Variants in SV2B observed in about 807,000 individuals in gnomAD.
SV2B encodes the protein synaptic vesicle glycoprotein 2B.
Under a neutral mutation model 73.9 loss-of-function variants are expected in SV2B, and 41 were observed. That is an observed-to-expected ratio of 0.56 (90% CI 0.43 to 0.72). The LOEUF is 0.72. Ranked by LOEUF, SV2B falls within the 30% of genes least tolerant of loss-of-function variation. The probability of loss-of-function intolerance (pLI) is 0.00; values close to 1 mark genes in which losing one functional copy is unlikely to be tolerated. For missense variants in SV2B, 764 were observed against 857.8 expected (o/e 0.89, Z 1.37); for synonymous variants, 314 against 314.2 (o/e 1.00, Z 0.01).
intron 1 of SV2B, among the ~76,000 whole-genome samples, chr15:91,134,261 G>T (rs938330312): frequency 6.6e-6 from 1 of 152,094 alleles, no homozygotes; most frequent in African/African-American, 2.4e-5. Flanking sequence ...GCCTCCCAAA[G>T]TGCTGGGATT....
At chr15:91,144,509 T>G (rs2141197394) in intron 1 of SV2B, among the ~76,000 whole-genome samples, 1 of 152,294 alleles carries the variant, frequency 6.6e-6, no homozygotes, top group South Asian at 2.1e-4. Context: ...GAAAATGACA[T>G]GCAATTTTTC....
At chr15:91,266,831 G>A (rs1870422049) in intron 7 of SV2B, 139 bp downstream of exon 7, 13 of 619,238 alleles carry the variant, frequency 2.1e-5, no homozygotes, top group Non-Finnish European at 2.7e-5. Flanking sequence ...GGAGGGGGGC[G>A]TTTGGGCTCC....
At chr15:91,101,744 A>C (rs1225240420) in intron 1 of SV2B, 1 of 152,062 alleles carries the variant, frequency 6.6e-6, no homozygotes, top group African/African-American at 2.4e-5. Flanking sequence ...CATTGCCATC[A>C]CTGCCACTGG....
rs1472124410 is a variant in SV2B, at chr15:91,267,083, C to T, written c.1119+391C>T. 1 of 186,202 alleles carries T rather than the reference C, an allele frequency of 5.4e-6. No individual in the cohort carries two copies. Among genetic ancestry groups the T allele is most frequent in the Non-Finnish European group, 1.1e-5 (1 of 90,086 alleles). 11.5% of individuals were successfully genotyped at this position (186,202 alleles called of 1,614,324 possible). A position where few individuals can be genotyped will look rare whatever the true frequency, so the allele number is the denominator to read the frequency against. On this transcript the variant is annotated intron_variant, in intron 7 of 12. Transcript: ENST00000394232. The surrounding 1 kb of genome is among the most constrained non-coding windows in gnomAD (Gnocchi z 4.3). ...TCCAAGAAACATTTTTCTAAAAGGG[C>T]AATGCCATTTCTCTGGAGCACTGGC...
At chr15:91,278,242 C>T (rs1388836776) in intron 9 of SV2B, among the ~76,000 whole-genome samples, 1 of 152,130 alleles carries the variant, frequency 6.6e-6, no homozygotes, top group East Asian at 1.9e-4. Context: ...CTTCTCAACA[C>T]CCCTATTTTA....
chr15:91,150,475 G>A (rs1567293375), intron 1 of SV2B, among the ~76,000 whole-genome samples: 1 of 152,196 alleles, frequency 6.6e-6, no homozygotes, highest in Admixed American at 6.5e-5. Context: ...TAATATCTGT[G>A]TTGGAAAAAC....
At chr15:91,135,562 A>G (rs950722299) in intron 1 of SV2B, among the ~76,000 whole-genome samples, 6 of 152,222 alleles carry the variant, frequency 3.9e-5, no homozygotes, top group Admixed American at 2.0e-4. Context: ...GCTTGGAGGG[A>G]TAAGTCACCC....
intron 2 of SV2B, among the ~76,000 whole-genome samples, chr15:91,248,678 C>A (rs1596684994): frequency 6.6e-6 from 1 of 152,114 alleles, no homozygotes; most frequent in East Asian, 1.9e-4. Context: ...TCTTGCTACT[C>A]AAAGTGTGGT....
rs2048967207 is a variant in SV2B, at chr15:91,289,415, T to G, written c.1709-106T>G. On this transcript the variant is annotated intron_variant, in intron 11 of 12. Transcript: ENST00000394232. This position sits in a 1 kb window ranked among gnomAD's most constrained non-coding sequence, Gnocchi z 4.9. ...ACCTAATACTTCAGGCAGCCTTGGC[T>G]TCAGGTGTACCAGTGAGGGTGGGAG... 3 of 1,443,802 alleles carry G rather than the reference T, an allele frequency of 2.1e-6. No homozygotes were observed. The highest frequency in any genetic ancestry group is 2.9e-6 in the Non-Finnish European group (3 of 1,031,102). The allele number at this position is 1,443,802 out of a possible 1,614,324, so 89.4% of individuals were successfully genotyped here. A position where few individuals can be genotyped will look rare whatever the true frequency, so the allele number is the denominator to read the frequency against.
At chr15:91,264,443 G>T (rs2048032512) in intron 6 of SV2B, among the ~76,000 whole-genome samples, 1 of 152,256 alleles carries the variant, frequency 6.6e-6, no homozygotes, top group Admixed American at 6.5e-5. Context: ...GCAGAGCAGA[G>T]AAAGCATTTG....
rs2047173220 is a variant in SV2B, at chr15:91,245,144, T to C, written c.452-6675T>C. 6.6e-6 allele frequency among the ~76,000 whole-genome samples: 1 copy of C among 152,206 alleles called. No individual in the cohort carries two copies. Among genetic ancestry groups the C allele is most frequent in the African/African-American group, 2.4e-5 (1 of 41,454 alleles). ...GTGTGGAGAGGAAATCTTCTGTCTGTGTGAAAAGCATCTCTAAAGCTGAGA... is the reference window on the plus strand; with the variant it reads ...GTGTGGAGAGGAAATCTTCTGTCTGCGTGAAAAGCATCTCTAAAGCTGAGA... On this transcript the variant is annotated intron_variant, in intron 2 of 12. Transcript: ENST00000394232. The surrounding 1 kb of genome is among the most constrained non-coding windows in gnomAD (Gnocchi z 4.2).
At chr15:91,143,878 T>G (rs916232430) in intron 1 of SV2B, among the ~76,000 whole-genome samples, 2 of 152,244 alleles carry the variant, frequency 1.3e-5, no homozygotes, top group African/African-American at 4.8e-5. Context: ...CTGCACTGTT[T>G]TTTTCTAAAT....
At chr15:91,251,605 T>A (rs938414798) in intron 2 of SV2B, among the ~76,000 whole-genome samples, 12 of 152,352 alleles carry the variant, frequency 7.9e-5, no homozygotes, top group African/African-American at 2.9e-4. Context: ...TGTTAGTCTG[T>A]GTATATGTGA....
Position 91,299,966 on chromosome 15 carries a change from T to C in SV2B, c.*7414T>C, listed in dbSNP as rs1280047521. 1 of 152,146 alleles carries C rather than the reference T, an allele frequency of 6.6e-6. No homozygotes were observed. The highest frequency in any genetic ancestry group is 1.5e-5 in the Non-Finnish European group (1 of 68,024). 9.4% of individuals were successfully genotyped at this position (152,146 alleles called of 1,614,324 possible). A position where few individuals can be genotyped will look rare whatever the true frequency, so the allele number is the denominator to read the frequency against. On this transcript the variant is annotated 3_prime_UTR_variant, in exon 13 of 13. Transcript: ENST00000394232. Reference sequence around the variant, plus strand: ...GGTCCCAACTTCTTAAAATTAAATTTTGGGGAAGTTCATGGAGATATTTTT... The same window carrying C: ...GGTCCCAACTTCTTAAAATTAAATTCTGGGGAAGTTCATGGAGATATTTTT...
At chr15:91,201,989 T>C (rs1317918399) in intron 1 of SV2B, among the ~76,000 whole-genome samples, 2 of 152,218 alleles carry the variant, frequency 1.3e-5, no homozygotes, top group African/African-American at 4.8e-5. Context: ...GTTCAGTATC[T>C]TTCACTGTTT....
Position 91,234,223 on chromosome 15 carries a change from TACTC to T in SV2B, c.451+7512_451+7515del, listed in dbSNP as rs915171532. Among the ~76,000 whole-genome samples, 3 of 152,324 alleles carry T rather than the reference TACTC, an allele frequency of 2.0e-5. No homozygotes were observed. The highest frequency in any genetic ancestry group is 7.2e-5 in the African/African-American group (3 of 41,566). ...TAGAGCGGATTTTTCATTTCAGACT[TACTC>T]ACCCTCACTTGGAGGGTTCAGAGGA... On this transcript the variant is annotated intron_variant, in intron 2 of 12. Transcript: ENST00000394232. The surrounding 1 kb of genome is among the most constrained non-coding windows in gnomAD (Gnocchi z 5.6).
Position 91,301,378 on chromosome 15 carries a change from T to A in SV2B, c.*8826T>A, listed in dbSNP as rs1403921579. The A allele has an allele frequency of 6.6e-6, 1 of 152,258 alleles. No individual in the cohort carries two copies. The highest frequency in any genetic ancestry group is 1.5e-5 in the Non-Finnish European group (1 of 68,038). The allele number at this position is 152,258 out of a possible 1,614,324, so 9.4% of individuals were successfully genotyped here. A position where few individuals can be genotyped will look rare whatever the true frequency, so the allele number is the denominator to read the frequency against. ...CCCTTCAGATGTTTTTCCATCTGAC[T>A]GTCACTGGATAGTGGAATTGCTCTG... On this transcript the variant is annotated 3_prime_UTR_variant, in exon 13 of 13. Coordinates refer to ENST00000394232, the MANE Select transcript of SV2B (RefSeq NM_001323032.3). This position sits in a 1 kb window ranked among gnomAD's most constrained non-coding sequence, Gnocchi z 4.3.
At chr15:91,162,107 A>G (rs11858243) in intron 1 of SV2B, among the ~76,000 whole-genome samples, 110,528 of 152,092 alleles carry the variant, frequency 0.73, 40,721 homozygotes, top group African/African-American at 0.84. Flanking sequence ...AATACATGCT[A>G]TGAAGGTGTG....
chr15:91,127,849 C>G (rs1280295963), intron 1 of SV2B, among the ~76,000 whole-genome samples: 1 of 152,166 alleles, frequency 6.6e-6, no homozygotes, highest in African/African-American at 2.4e-5. Flanking sequence ...AATTTCTGTG[C>G]TAATTTTGCA....
Sources: allele counts gnomAD v4.1 joint callset (sites outside exome capture counted in the v4.1 genomes callset), GRCh38; gene constraint gnomAD v4.1.1; non-coding constraint Gnocchi (gnomAD v3.1); transcripts MANE v1.5; gene names NCBI Gene and HGNC (gene_info 2026-07-23, HGNC 2026-07-21).